WDR64: variants seen among roughly 807,000 people sequenced by gnomAD.
WDR64 encodes WD repeat domain 64, also known as WD repeat-containing protein 64.
In WDR64, 112 loss-of-function variants were observed where a neutral mutation model predicts 139.3. That is an observed-to-expected ratio of 0.80 (90% CI 0.69 to 0.94). The LOEUF (loss-of-function observed/expected upper bound fraction) is 0.94, where lower values mean the gene tolerates loss of function less well. Among genes scored for constraint, WDR64 ranks in the 40% least tolerant of loss-of-function variants. WDR64 has a pLI of 0.00. For synonymous variants in WDR64, 444 were observed against 437.7 expected (o/e 1.01, Z -0.18); for missense variants, 1,206 against 1,293.1 (o/e 0.93, Z 1.03).
chr1:241,765,392 A>C (rs1658107252), intron 15 of WDR64, among the ~76,000 whole-genome samples: 1 of 152,216 alleles, frequency 6.6e-6, no homozygotes, highest in African/African-American at 2.4e-5. Flanking sequence ...GTTGAAAAAA[A>C]ATGTATTTGA....
At chr1:241,776,203 C>G (rs908897350) in intron 21 of WDR64, among the ~76,000 whole-genome samples, 9 of 152,030 alleles carry the variant, frequency 5.9e-5, no homozygotes, top group Non-Finnish European at 8.8e-5. Flanking sequence ...CTCAGCCTCC[C>G]GAGTAGCTGG....
chr1:241,784,947 CT>C (rs1442325839), intron 23 of WDR64, among the ~76,000 whole-genome samples: 1 of 31,810 alleles, frequency 3.1e-5, no homozygotes, highest in Non-Finnish European at 6.5e-5. Context: ...GAGTGAGACT[CT>C]GTCTGAAAAA....
At chr1:241,773,457 G>T (rs904068380) in intron 20 of WDR64, among the ~76,000 whole-genome samples, 2 of 152,058 alleles carry the variant, frequency 1.3e-5, no homozygotes, top group African/African-American at 4.8e-5. Flanking sequence ...GGGGAGAGGA[G>T]GGCATTAGTT....
At chr1:241,709,281 A>G (rs977919070) in intron 8 of WDR64, among the ~76,000 whole-genome samples, 21 of 152,250 alleles carry the variant, frequency 1.4e-4, no homozygotes, top group African/African-American at 4.6e-4. Flanking sequence ...GCTTTTGTTT[A>G]ATTTGCATCC....
intron 26 of WDR64, 41 bp downstream of exon 26, chr1:241,795,328 T>G: frequency 6.5e-7 from 1 of 1,543,788 alleles, no homozygotes; most frequent in South Asian, 1.2e-5. Flanking sequence ...CACAGAACAG[T>G]AGAGAATCTG....
chr1:241,660,570 G>T lies in WDR64; in HGVS notation c.186G>T (p.Lys62Asn), dbSNP rs1182278499. The change falls in exon 2 of 28, where the codon AAG (lysine) becomes AAT (asparagine). Residue 62 changes from lysine to asparagine, a missense_variant. Coordinates refer to ENST00000437684, the MANE Select transcript of WDR64 (RefSeq NM_001367482.1). ...GYDKFYASVQ[K>N]LFGPDVKNQD... is the part of the protein sequence containing the mutation. ...ACAAGTTTTATGCATCGGTACAGAA[G>T]CTCTTTGGTCCAGATGTGAAGAATC... 5 of 1,551,694 alleles carry T rather than the reference G, an allele frequency of 3.2e-6. No individual in the cohort carries two copies. In the East Asian group the frequency reaches 1.2e-4, roughly 38 times the overall value.
At chr1:241,792,688 T>C (rs1477626687) in intron 25 of WDR64, among the ~76,000 whole-genome samples, 1 of 152,168 alleles carries the variant, frequency 6.6e-6, no homozygotes, top group African/African-American at 2.4e-5. Flanking sequence ...AGAGGAGGAC[T>C]CCATAGGAGC....
At position 241,744,387 on chromosome 1, in the gene WDR64, C is replaced by T. The variant is rs757236788; in HGVS notation, c.1471-6C>T. The T allele has an allele frequency of 6.2e-7, 1 of 1,613,438 alleles. No homozygotes were observed. The highest frequency in any genetic ancestry group is 1.7e-5 in the Admixed American group (1 of 59,908). On this transcript the variant is annotated splice_polypyrimidine_tract_variant and splice_region_variant and intron_variant, in intron 12 of 27. Transcript: ENST00000437684. ...GATTACTTGATATTTTCGTTCTTTC[C>T]CATAGGTATGGGAACTCGAGACTGG...
chr1:241,715,220 C>T (rs1035951169), intron 9 of WDR64, among the ~76,000 whole-genome samples: 2 of 150,388 alleles, frequency 1.3e-5, no homozygotes, highest in African/African-American at 5.0e-5. Flanking sequence ...GAATCCAAGT[C>T]TCTCAACCAA....
intron 10 of WDR64, among the ~76,000 whole-genome samples, chr1:241,734,779 C>G (rs1669229767): frequency 6.6e-6 from 1 of 151,998 alleles, no homozygotes; most frequent in Admixed American, 6.6e-5. Flanking sequence ...TCATATGCTG[C>G]ATAACCACGT....
intron 15 of WDR64, among the ~76,000 whole-genome samples, chr1:241,757,681 T>C: frequency 7.2e-6 from 1 of 139,374 alleles, no homozygotes; most frequent in Middle Eastern, 3.6e-3. Context: ...TGAGACAGGG[T>C]TCTGCTCTGT....
chr1:241,654,486 C>T (rs1665496600), intron 1 of WDR64, among the ~76,000 whole-genome samples: 1 of 152,218 alleles, frequency 6.6e-6, no homozygotes, highest in African/African-American at 2.4e-5. Flanking sequence ...TAGATTAACA[C>T]TGTTAGCTGC....
intron 26 of WDR64, among the ~76,000 whole-genome samples, chr1:241,795,836 T>G (rs1479725836): frequency 6.6e-6 from 1 of 152,210 alleles, no homozygotes; most frequent in African/African-American, 2.4e-5. Context: ...AGACCAAATA[T>G]TTCAAATTAA....
At chr1:241,735,282 G>T (rs1334639614) in intron 10 of WDR64, among the ~76,000 whole-genome samples, 2 of 152,172 alleles carry the variant, frequency 1.3e-5, no homozygotes. Context: ...TGAACGCAGC[G>T]CATATTATTT....
intron 10 of WDR64, among the ~76,000 whole-genome samples, chr1:241,723,660 A>G (rs1420354983): frequency 2.0e-5 from 3 of 152,192 alleles, no homozygotes; most frequent in African/African-American, 7.2e-5. Context: ...AAGAAAAACA[A>G]TATTGAAAAG....
At chr1:241,653,645 G>A (rs2148045954) in intron 1 of WDR64, among the ~76,000 whole-genome samples, 1 of 151,030 alleles carries the variant, frequency 6.6e-6, no homozygotes, top group South Asian at 2.1e-4. Context: ...CCAGGTTCAA[G>A]TGATTCTCCT....
At chr1:241,657,920 C>T (rs1558457343) in intron 1 of WDR64, among the ~76,000 whole-genome samples, 1 of 152,008 alleles carries the variant, frequency 6.6e-6, no homozygotes, top group African/African-American at 2.4e-5. Flanking sequence ...TCCCTCATGC[C>T]TTTTGCAGCA....
chr1:241,686,171 C>G (rs530211126), intron 7 of WDR64, among the ~76,000 whole-genome samples: 1 of 152,138 alleles, frequency 6.6e-6, no homozygotes, highest in East Asian at 1.9e-4. Flanking sequence ...TTTCTTACAC[C>G]AAGAGATCTT....
chr1:241,771,811 TA>T, intron 19 of WDR64, 114 bp downstream of exon 19: 2 of 483,998 alleles, frequency 4.1e-6, no homozygotes, highest in Non-Finnish European at 6.3e-6. Context: ...ATAAATTCAT[TA>T]TATATATTCA....
Sources: allele counts gnomAD v4.1 joint callset (sites outside exome capture counted in the v4.1 genomes callset), GRCh38; gene constraint gnomAD v4.1.1; transcripts MANE v1.5; gene names NCBI Gene and HGNC (gene_info 2026-07-23, HGNC 2026-07-21).